The following DAPK2 variants were observed in gnomAD, a reference collection of about 807,000 sequenced individuals.
The protein encoded by DAPK2 is death-associated protein kinase 2.
A neutral mutation model predicts 44.1 loss-of-function variants in DAPK2; 35 were observed. The observed-to-expected ratio is 0.79, with a 90% CI of 0.61 to 1.05. The LOEUF (loss-of-function observed/expected upper bound fraction) is 1.05. DAPK2 is among the 50% of genes least tolerant of loss of function. DAPK2 has a pLI of 0.00. For synonymous variants in DAPK2, 174 were observed against 182.6 expected (o/e 0.95, Z 0.38); for missense variants, 453 against 483.2 (o/e 0.94, Z 0.59).
intron 10 of DAPK2, chr15:63,909,257 G>T (rs2078721437): frequency 1.3e-5 from 2 of 151,672 alleles, no homozygotes; most frequent in South Asian, 4.2e-4. Flanking sequence ...CTAATCCACA[G>T]TGACTTCATT....
At chr15:63,950,785 A>C (rs1409459411) in intron 3 of DAPK2, among the ~76,000 whole-genome samples, 1 of 152,098 alleles carries the variant, frequency 6.6e-6, no homozygotes, top group Non-Finnish European at 1.5e-5. Flanking sequence ...ACCTCTCTAA[A>C]TCTCCATTGC....
At chr15:63,983,362 G>A (rs2078578884) in intron 2 of DAPK2, among the ~76,000 whole-genome samples, 171 bp downstream of exon 3, 1 of 152,216 alleles carries the variant, frequency 6.6e-6, no homozygotes, top group Admixed American at 6.5e-5. Flanking sequence ...AGCGGGTAAG[G>A]AGGAAGGGGG....
chr15:63,953,274 C>T (rs1368244342), intron 3 of DAPK2, among the ~76,000 whole-genome samples: 1 of 152,130 alleles, frequency 6.6e-6, no homozygotes, highest in Non-Finnish European at 1.5e-5. Context: ...ATAATAGTCT[C>T]CAGCTCCATC....
intron 5 of DAPK2, chr15:63,929,809 A>T (rs907092264): frequency 1.2e-5 from 8 of 666,292 alleles, no homozygotes; most frequent in Admixed American, 2.1e-5. Flanking sequence ...TCAAGATCAG[A>T]CTCCTGCACT....
rs762528098 is a variant in DAPK2, at chr15:63,952,530, A to AGGGC, written c.454-13173_454-13170dup. Among the ~76,000 whole-genome samples the AGGGC allele has an allele frequency of 9.9e-5, 15 of 152,278 alleles. No individual in the cohort carries two copies. The East Asian group carries it at 2.5e-3, about 25-fold the overall frequency. On this transcript the variant is annotated intron_variant, in intron 3 of 10. Coordinates refer to ENST00000261891, the Ensembl canonical transcript of DAPK2. The stretch of plus-strand genomic sequence containing the variant: ...AGGAACAGTGGATGAGGACAGAAAT[A>AGGGC]GGGCTAAGGCAGTGCAAGAAAGGCC...
chr15:63,922,736 T>C (rs1297665226), intron 8 of DAPK2: 6 of 1,514,948 alleles, frequency 4.0e-6, no homozygotes, highest in Admixed American at 2.0e-5. Context: ...TTCTGGCGAT[T>C]AGAGCTTCCA....
At chr15:63,965,621 C>G (rs1168080181) in intron 3 of DAPK2, among the ~76,000 whole-genome samples, 11 of 152,180 alleles carry the variant, frequency 7.2e-5, no homozygotes, top group African/African-American at 2.2e-4. Context: ...TGGGAATCTA[C>G]CTGGTGCTCT....
intron 2 of DAPK2, among the ~76,000 whole-genome samples, chr15:63,982,072 A>G (rs1318960692): frequency 1.3e-5 from 2 of 152,202 alleles, no homozygotes; most frequent in Admixed American, 6.5e-5. Flanking sequence ...GATGAGAACT[A>G]AAGCTCAGGG....
chr15:63,938,641 C>G (rs1482064113), intron 4 of DAPK2, among the ~76,000 whole-genome samples: 2 of 152,196 alleles, frequency 1.3e-5, no homozygotes, highest in African/African-American at 4.8e-5. Context: ...CTTCATGACC[C>G]CAATCTCCGG....
intron 7 of DAPK2, 74 bp downstream of exon 8, chr15:63,925,867 A>G (rs2079242640): frequency 9.5e-6 from 15 of 1,580,674 alleles, no homozygotes; most frequent in Non-Finnish European, 1.3e-5. Flanking sequence ...GTGGGGACAT[A>G]CTGACAGGTC....
chr15:64,001,179 A>G (rs1002390251), intron 1 of DAPK2, among the ~76,000 whole-genome samples: 8 of 150,642 alleles, frequency 5.3e-5, no homozygotes, highest in Admixed American at 1.3e-4. Context: ...ACCCGGCCAG[A>G]GTCAACACTC....
At chr15:63,993,059 C>T (rs915253639) in intron 1 of DAPK2, among the ~76,000 whole-genome samples, 2 of 152,180 alleles carry the variant, frequency 1.3e-5, no homozygotes, top group Non-Finnish European at 2.9e-5. Context: ...TAAAGTGAAC[C>T]ATTCATGTTC....
intron 3 of DAPK2, among the ~76,000 whole-genome samples, chr15:63,951,686 G>A (rs986479319): frequency 1.3e-5 from 2 of 152,146 alleles, no homozygotes; most frequent in African/African-American, 2.4e-5. Context: ...GCACATTGAT[G>A]TTTGTCACTC....
In DAPK2 at chr15:63,908,173, A is replaced by G. The variant is rs557939892; in HGVS notation, c.*347T>C. On this transcript the variant is annotated 3_prime_UTR_variant, in exon 11 of 11. Coordinates refer to ENST00000261891, the Ensembl canonical transcript of DAPK2. The surrounding 1 kb of genome is among the most constrained non-coding windows in gnomAD (Gnocchi z 5.7). ...TTCTGAACCCCCTCAGCCTGTGAAG[A>G]AGGCTGCCTTAGTCTGACCTTCACC... 9.9e-5 allele frequency: 17 copies of G among 171,342 alleles called. No homozygotes were observed. Among genetic ancestry groups the G allele is most frequent in the Non-Finnish European group, 1.6e-4 (13 of 81,074 alleles). 10.6% of individuals were successfully genotyped at this position (171,342 alleles called of 1,614,324 possible).
At chr15:63,967,708 T>A (rs529671686) in intron 3 of DAPK2, among the ~76,000 whole-genome samples, 2 of 151,914 alleles carry the variant, frequency 1.3e-5, no homozygotes, top group African/African-American at 4.8e-5. Context: ...AAAAAAAATA[T>A]CCATTTGTCG....
chr15:63,939,148 T>C lies in DAPK2; in HGVS notation c.583+84A>G. Reference sequence around the variant, plus strand: ...GCATCATCTCTTTGCTCAGAGGCCATAGCCCCAGACACAGGTTTCTTCCCA... The same window carrying C: ...GCATCATCTCTTTGCTCAGAGGCCACAGCCCCAGACACAGGTTTCTTCCCA... On this transcript the variant is annotated intron_variant, in intron 4 of 10. Coordinates refer to ENST00000261891, the Ensembl canonical transcript of DAPK2. The surrounding 1 kb of genome is among the most constrained non-coding windows in gnomAD (Gnocchi z 4.3). 6.4e-7 allele frequency: 1 copy of C among 1,574,744 alleles called. No individual in the cohort carries two copies. The highest frequency in any genetic ancestry group is 8.6e-7 in the Non-Finnish European group (1 of 1,162,274).
Position 63,916,113 on chromosome 15 carries a change from T to C in DAPK2, c.859-3916A>G, listed in dbSNP as rs2078919659. On this transcript the variant is annotated intron_variant, in intron 8 of 10. Transcript: ENST00000261891. The surrounding 1 kb of genome is among the most constrained non-coding windows in gnomAD (Gnocchi z 4.7). ...GAGTGTGTTTGGTGTCTTGGAAAAATGTCCAAAAGGGAAGCAAGAAGACAG... is the reference window on the plus strand; with the variant it reads ...GAGTGTGTTTGGTGTCTTGGAAAAACGTCCAAAAGGGAAGCAAGAAGACAG... The C allele has an allele frequency of 6.6e-6, 1 of 151,904 alleles. No individual in the cohort carries two copies. Among genetic ancestry groups the C allele is most frequent in the South Asian group, 2.1e-4 (1 of 4,820 alleles). The allele number at this position is 151,904 out of a possible 1,614,324, so 9.4% of individuals were successfully genotyped here.
At position 64,046,222 on chromosome 15, in the gene DAPK2, C is replaced by T. The variant is rs1185989006; in HGVS notation, c.-7+76G>A. ...CCCCGGATCTCTTCGCCCCGCCAGC[C>T]CCAGACCCGGGCGCTGCTGCCGTCA... On this transcript the variant is annotated intron_variant, in intron 1 of 11. Coordinates refer to the DAPK2 transcript ENST00000457488. This position sits in a 1 kb window ranked among gnomAD's most constrained non-coding sequence, Gnocchi z 5.3. 10 of 609,720 alleles carry T rather than the reference C, an allele frequency of 1.6e-5. No homozygotes were observed. The highest frequency in any genetic ancestry group is 7.2e-5 in the South Asian group (1 of 13,908). 37.8% of individuals were successfully genotyped at this position (609,720 alleles called of 1,614,324 possible).
chr15:63,939,125 A>T lies in DAPK2; in HGVS notation c.583+107T>A. On this transcript the variant is annotated intron_variant, in intron 4 of 10. Transcript: ENST00000261891. This position sits in a 1 kb window ranked among gnomAD's most constrained non-coding sequence, Gnocchi z 4.3. ...TAGGTTTCTAGAGATGTCCCAATGC[A>T]TCATCTCTTTGCTCAGAGGCCATAG... is the stretch of plus-strand genomic sequence containing the variant. 1 of 1,519,860 alleles carries T rather than the reference A, an allele frequency of 6.6e-7. No homozygotes were observed. The highest frequency in any genetic ancestry group is 8.8e-7 in the Non-Finnish European group (1 of 1,132,230). 94.1% of individuals were successfully genotyped at this position (1,519,860 alleles called of 1,614,324 possible).
Sources: gnomAD v4.1 joint callset for allele counts (sites outside exome capture counted in the v4.1 genomes callset) on GRCh38, gnomAD v4.1.1 for gene constraint, Gnocchi (gnomAD v3.1) non-coding constraint, MANE v1.5 for transcripts, NCBI Gene and HGNC (gene_info 2026-07-23, HGNC 2026-07-21) for gene names.